GAL3ST2: variants seen among roughly 807,000 people sequenced by gnomAD.
The protein encoded by GAL3ST2 is beta-galactose-3-O-sulfotransferase 2.
GAL3ST2 carries 16 observed loss-of-function variants against 12.9 expected under a neutral mutation model. The ratio of observed to expected loss-of-function variants is 1.24; its 90% CI spans 0.84 to 1.88. The LOEUF (loss-of-function observed/expected upper bound fraction) is 1.88. GAL3ST2 is among the 40% of genes most tolerant of loss of function. The probability of loss-of-function intolerance (pLI) is 0.00; values close to 1 mark genes in which losing one functional copy is unlikely to be tolerated. For synonymous variants in GAL3ST2, 302 were observed against 273.9 expected, an observed-to-expected ratio of 1.10 and a Z score of -1.01; for missense variants, 639 against 571.8, an observed-to-expected ratio of 1.12 and a Z score of -1.20.
At chr2:241,791,282 T>C (rs1168872183) in intron 1 of GAL3ST2, among the ~76,000 whole-genome samples, 1 of 152,230 alleles carries the variant, frequency 6.6e-6, no homozygotes, top group Non-Finnish European at 1.5e-5. Context: ...GTGAGTATTT[T>C]TAATTTATGG....
At position 241,802,037 on chromosome 2, in the gene GAL3ST2, G is replaced by C. The variant is rs761689001; in HGVS notation, c.375+1G>C. 2.5e-6 allele frequency: 4 copies of C among 1,607,660 alleles called. No homozygotes were observed. Among genetic ancestry groups the C allele is most frequent in the Non-Finnish European group, 3.4e-6 (4 of 1,177,464 alleles). On this transcript the variant is annotated splice_donor_variant, in intron 3 of 3. Coordinates refer to ENST00000192314, the MANE Select transcript of GAL3ST2 (RefSeq NM_022134.3). LOFTEE classifies it high-confidence loss of function. The surrounding 1 kb of genome is among the most constrained non-coding windows in gnomAD (Gnocchi z 4.8). ...CCACCTGAGGTTCAACCTGCCTCAGGTACCGCGGGCCTGCTGGGGAGGAGG... is the reference window on the plus strand; with the variant it reads ...CCACCTGAGGTTCAACCTGCCTCAGCTACCGCGGGCCTGCTGGGGAGGAGG...
Position 241,793,464 on chromosome 2 carries a change from A to G in GAL3ST2, c.30-5601A>G, listed in dbSNP as rs1016841187. Reference sequence around the variant, plus strand: ...ATGTATGTACTGTGTATGCGTGTGTATGTGTATGCATGTGTATTATATGTA... The same window carrying G: ...ATGTATGTACTGTGTATGCGTGTGTGTGTGTATGCATGTGTATTATATGTA... On this transcript the variant is annotated intron_variant, in intron 1 of 3. Transcript: ENST00000192314. The surrounding 1 kb of genome is among the most constrained non-coding windows in gnomAD (Gnocchi z 4.7). Among the ~76,000 whole-genome samples, 3 of 125,778 alleles carry G rather than the reference A, an allele frequency of 2.4e-5. No homozygotes were observed. The highest frequency in any genetic ancestry group is 3.7e-5 in the African/African-American group (1 of 27,066). The allele number at this position is 125,778 out of a possible 152,430, so 82.5% of individuals were successfully genotyped here.
chr2:241,783,846 A>G (rs59110031), intron 1 of GAL3ST2, among the ~76,000 whole-genome samples: 2,722 of 152,284 alleles, frequency 0.018, 89 homozygotes, highest in African/African-American at 0.063. Context: ...TGGAGGCTGA[A>G]CTAACTTTGG....
Position 241,795,978 on chromosome 2 carries a change from C to T in GAL3ST2, c.30-3087C>T, listed in dbSNP as rs1351897226. Among the ~76,000 whole-genome samples, 1 of 152,178 alleles carries T rather than the reference C, an allele frequency of 6.6e-6. No homozygotes were observed. The highest frequency in any genetic ancestry group is 2.4e-5 in the African/African-American group (1 of 41,442). On this transcript the variant is annotated intron_variant, in intron 1 of 3. Transcript: ENST00000192314. The surrounding 1 kb of genome is among the most constrained non-coding windows in gnomAD (Gnocchi z 4.5). ...GAAGGGAGGGCCTGGAAGCTCCTGTCCCGTCTCCTAGAAGCGTGGCTGTGG... is the reference window on the plus strand; with the variant it reads ...GAAGGGAGGGCCTGGAAGCTCCTGTTCCGTCTCCTAGAAGCGTGGCTGTGG...
In GAL3ST2 at chr2:241,795,604, G is replaced by A. The variant is rs561889693; in HGVS notation, c.30-3461G>A. Among the ~76,000 whole-genome samples the A allele has an allele frequency of 4.4e-4, 67 of 152,186 alleles. No homozygotes were observed. Among genetic ancestry groups the A allele is most frequent in the East Asian group, 1.6e-3 (8 of 5,152 alleles). ...TCAGTGAGTTAATCTCTAACTGTGC[G>A]GAGCCGTAAAACTGCCCTTCCCACC... is the stretch of plus-strand genomic sequence containing the variant. On this transcript the variant is annotated intron_variant, in intron 1 of 3. Coordinates refer to ENST00000192314, the MANE Select transcript of GAL3ST2 (RefSeq NM_022134.3). This position sits in a 1 kb window ranked among gnomAD's most constrained non-coding sequence, Gnocchi z 4.5.
At position 241,795,628 on chromosome 2, in the gene GAL3ST2, CCTCGTGCAGCCA is replaced by C. The variant is rs1194886588; in HGVS notation, c.30-3433_30-3422del. On this transcript the variant is annotated intron_variant, in intron 1 of 3. Transcript: ENST00000192314. The surrounding 1 kb of genome is among the most constrained non-coding windows in gnomAD (Gnocchi z 4.5). ...CGGAGCCGTAAAACTGCCCTTCCCA[CCTCGTGCAGCCA>C]CTCTCCCGGGGAGGGTCTTGGGAAG... 3.9e-5 allele frequency among the ~76,000 whole-genome samples: 6 copies of C among 152,352 alleles called. No homozygotes were observed. The East Asian group carries it at 9.7e-4, about 25-fold the overall frequency.
At chr2:241,792,121 C>T (rs1279028819) in intron 1 of GAL3ST2, among the ~76,000 whole-genome samples, 1 of 150,658 alleles carries the variant, frequency 6.6e-6, no homozygotes, top group Non-Finnish European at 1.5e-5. Flanking sequence ...TCAAGCAATT[C>T]TCCTCCCTCA....
rs1240855887 is a variant in GAL3ST2 at position 241,801,937 on chromosome 2, G to C, written c.276G>C (p.Leu92=). 6.2e-7 allele frequency: 1 copy of C among 1,613,010 alleles called. No individual in the cohort carries two copies. The highest frequency in any genetic ancestry group is 1.3e-5 in the African/African-American group (1 of 75,056). ...TGCCCGCCGGCTCACGCGTCCACCT[G>C]GGCTACCCCTGGCTCTTCCTGGCGC... ...VALPAGSRVH[L]GYPWLFLARY... is the part of the protein sequence containing the mutation. The change falls in exon 3 of 4, where the codon CTG becomes CTC. Residue 92 remains leucine (L), a synonymous_variant. Transcript: ENST00000192314. This position sits in a 1 kb window ranked among gnomAD's most constrained non-coding sequence, Gnocchi z 4.4.
Position 241,793,632 on chromosome 2 carries a change from TTTG to T in GAL3ST2, c.30-5431_30-5429del, listed in dbSNP as rs1699732038. On this transcript the variant is annotated intron_variant, in intron 1 of 3. Coordinates refer to ENST00000192314, the MANE Select transcript of GAL3ST2 (RefSeq NM_022134.3). This position sits in a 1 kb window ranked among gnomAD's most constrained non-coding sequence, Gnocchi z 4.7. ...GTGTATTGTGTGTGTACATATTGTG[TTTG>T]TGTGTACATATTGTGTATGCATATG... 6.6e-6 allele frequency among the ~76,000 whole-genome samples: 1 copy of T among 151,306 alleles called. No individual in the cohort carries two copies. Among genetic ancestry groups the T allele is most frequent in the African/African-American group, 2.4e-5 (1 of 40,988 alleles).
chr2:241,787,540 CTTTT>C (rs1553615866), intron 1 of GAL3ST2, among the ~76,000 whole-genome samples: 2 of 136,266 alleles, frequency 1.5e-5, no homozygotes, highest in Non-Finnish European at 3.1e-5. Flanking sequence ...ACTTCTCCTC[CTTTT>C]TTTTTTTTTT....
intron 1 of GAL3ST2, among the ~76,000 whole-genome samples, chr2:241,784,693 A>G (rs1699607904): frequency 6.6e-6 from 1 of 152,238 alleles, no homozygotes; most frequent in South Asian, 2.1e-4. Context: ...TACACAACAC[A>G]TAAATACATA....
rs1699835453 is a variant in GAL3ST2 at position 241,800,954 on chromosome 2, TA to T, written c.120-821del. 6.6e-6 allele frequency: 1 copy of T among 152,210 alleles called. No homozygotes were observed. Among genetic ancestry groups the T allele is most frequent in the African/African-American group, 2.4e-5 (1 of 41,456 alleles). The allele number at this position is 152,210 out of a possible 1,614,324, so 9.4% of individuals were successfully genotyped here. On this transcript the variant is annotated intron_variant, in intron 2 of 3. Coordinates refer to ENST00000192314, the MANE Select transcript of GAL3ST2 (RefSeq NM_022134.3). This position sits in a 1 kb window ranked among gnomAD's most constrained non-coding sequence, Gnocchi z 5.2. The stretch of plus-strand genomic sequence containing the variant: ...TGGTCTCCTTTTATTTTTTAATTTT[TA>T]AAAAATTTACTTTAAGTTCTGGGAC...
At position 241,795,071 on chromosome 2, in the gene GAL3ST2, G is replaced by A. The variant is rs1393755731; in HGVS notation, c.30-3994G>A. On this transcript the variant is annotated intron_variant, in intron 1 of 3. Coordinates refer to ENST00000192314, the MANE Select transcript of GAL3ST2 (RefSeq NM_022134.3). The surrounding 1 kb of genome is among the most constrained non-coding windows in gnomAD (Gnocchi z 4.5). The stretch of plus-strand genomic sequence containing the variant: ...ATGTGTAACAATGTGTAACTCCTGC[G>A]TGTAAGGACAGAAACACCATCTCTC... 3.9e-5 allele frequency among the ~76,000 whole-genome samples: 6 copies of A among 152,068 alleles called. No homozygotes were observed. The highest frequency in any genetic ancestry group is 1.3e-4 in the Admixed American group (2 of 15,264).
chr2:241,802,396 A>G lies in GAL3ST2; in HGVS notation c.375+360A>G, dbSNP rs1699864603. ...CCCTTCTTTGGGTCCCTTGGGTCTCAGCATAGAGCCGGCTTCCCCCCAGGG... is the reference window on the plus strand; with the variant it reads ...CCCTTCTTTGGGTCCCTTGGGTCTCGGCATAGAGCCGGCTTCCCCCCAGGG... On this transcript the variant is annotated intron_variant, in intron 3 of 3. Transcript: ENST00000192314. This position sits in a 1 kb window ranked among gnomAD's most constrained non-coding sequence, Gnocchi z 4.8. Among the ~76,000 whole-genome samples, 2 of 152,104 alleles carry G rather than the reference A, an allele frequency of 1.3e-5. No homozygotes were observed.
chr2:241,790,102 T>G (rs2125192690), intron 1 of GAL3ST2, among the ~76,000 whole-genome samples: 1 of 152,302 alleles, frequency 6.6e-6, no homozygotes, highest in South Asian at 2.1e-4. Flanking sequence ...GCCCTAAAAC[T>G]TTTTGTCATC....
At chr2:241,784,802 A>C (rs1331590885) in intron 1 of GAL3ST2, among the ~76,000 whole-genome samples, 3 of 152,242 alleles carry the variant, frequency 2.0e-5, no homozygotes, top group African/African-American at 7.2e-5. Flanking sequence ...CCTGTTTCAG[A>C]ACCCTAGGCA....
At chr2:241,786,035 G>T (rs1699622819) in intron 1 of GAL3ST2, among the ~76,000 whole-genome samples, 2 of 152,112 alleles carry the variant, frequency 1.3e-5, no homozygotes, top group South Asian at 4.1e-4. Context: ...CTAGCAAAAA[G>T]GTGGTCTTGT....
chr2:241,804,283 G>A lies in GAL3ST2; in HGVS notation c.*117G>A. 1.1e-6 allele frequency: 1 copy of A among 884,546 alleles called. No individual in the cohort carries two copies. The highest frequency in any genetic ancestry group is 1.6e-6 in the Non-Finnish European group (1 of 629,302). 54.8% of individuals were successfully genotyped at this position (884,546 alleles called of 1,614,324 possible). On this transcript the variant is annotated 3_prime_UTR_variant, in exon 4 of 4. Coordinates refer to ENST00000192314, the MANE Select transcript of GAL3ST2 (RefSeq NM_022134.3). ...GGCGTTGGGAAACCCAGGCCCGCCG[G>A]CCACGGCTCTAAAATGAAGAGGGCG...
intron 1 of GAL3ST2, among the ~76,000 whole-genome samples, chr2:241,777,534 G>A (rs1353302811): frequency 6.6e-6 from 1 of 152,192 alleles, no homozygotes; most frequent in Non-Finnish European, 1.5e-5. Context: ...TGTGGCTAAG[G>A]ATGCCTTGCG....
Sources: gnomAD v4.1 joint callset for allele counts (sites outside exome capture counted in the v4.1 genomes callset) on GRCh38, gnomAD v4.1.1 for gene constraint, Gnocchi (gnomAD v3.1) non-coding constraint, MANE v1.5 for transcripts, NCBI Gene and HGNC (gene_info 2026-07-23, HGNC 2026-07-21) for gene names.